The following CHMP4B variants were observed in gnomAD, a reference collection of about 807,000 sequenced individuals.
CHMP4B encodes charged multivesicular body protein 4B.
A neutral mutation model predicts 25.1 loss-of-function variants in CHMP4B; 1 was observed. The ratio of observed to expected loss-of-function variants is 0.04; its 90% confidence interval spans 0.01 to 0.19. The LOEUF (loss-of-function observed/expected upper bound fraction) is 0.19. Ranked by LOEUF, CHMP4B falls within the 10% of genes least tolerant of loss-of-function variation. The pLI, the probability that CHMP4B is intolerant of heterozygous loss-of-function variation, is 1.00. For synonymous variants in CHMP4B, 101 were observed against 115.6 expected (o/e 0.87, Z 0.81); for missense variants, 151 against 289.7 (o/e 0.52, Z 3.48).
At chr20:33,852,608 G>A (rs112288797) in intron 4 of CHMP4B, among the ~76,000 whole-genome samples, 366 of 152,302 alleles carry the variant, frequency 2.4e-3, no homozygotes, top group Middle Eastern at 6.8e-3. Context: ...ATGTCCCTTG[G>A]TAGGGGTTGG....
chr20:33,845,044 C>T (rs1601327615), intron 1 of CHMP4B, among the ~76,000 whole-genome samples: 1 of 152,156 alleles, frequency 6.6e-6, no homozygotes, highest in East Asian at 1.9e-4. Context: ...CAGGTGTGAG[C>T]CACCGCGCCC....
At chr20:33,829,359 A>C (rs1426493083) in intron 1 of CHMP4B, among the ~76,000 whole-genome samples, 1 of 152,214 alleles carries the variant, frequency 6.6e-6, no homozygotes, top group East Asian at 1.9e-4. Flanking sequence ...CCAGCCGAGA[A>C]TGCCCATCTG....
chr20:33,846,140 T>TG (rs1253046636), intron 1 of CHMP4B, among the ~76,000 whole-genome samples: 1 of 152,096 alleles, frequency 6.6e-6, no homozygotes, highest in Non-Finnish European at 1.5e-5. Context: ...TTTCATTAAG[T>TG]GGGGGGCATA....
intron 1 of CHMP4B, among the ~76,000 whole-genome samples, chr20:33,838,709 T>C (rs1194327804): frequency 1.3e-5 from 2 of 152,122 alleles, no homozygotes; most frequent in Non-Finnish European, 1.5e-5. Flanking sequence ...GCTGAATGAC[T>C]ATGGCCCTCA....
At chr20:33,826,513 C>T (rs1399023349) in intron 1 of CHMP4B, among the ~76,000 whole-genome samples, 1 of 152,140 alleles carries the variant, frequency 6.6e-6, no homozygotes, top group Non-Finnish European at 1.5e-5. Context: ...TACTTTCTGT[C>T]TCTAGAGAGC....
At chr20:33,835,860 G>A (rs1222234256) in intron 1 of CHMP4B, among the ~76,000 whole-genome samples, 1 of 152,188 alleles carries the variant, frequency 6.6e-6, no homozygotes, top group African/African-American at 2.4e-5. Flanking sequence ...AGAGAGAGAG[G>A]AGGAGGTGCC....
chr20:33,832,810 G>C (rs187764998), intron 1 of CHMP4B, among the ~76,000 whole-genome samples: 1 of 142,328 alleles, frequency 7.0e-6, no homozygotes, highest in Admixed American at 7.3e-5. Flanking sequence ...ACAGGGTCTC[G>C]TTCTGTTGCC....
At chr20:33,842,968 C>T (rs1254984493) in intron 1 of CHMP4B, among the ~76,000 whole-genome samples, 1 of 152,248 alleles carries the variant, frequency 6.6e-6, no homozygotes, top group Non-Finnish European at 1.5e-5. Context: ...CCGTCCTCAG[C>T]AGCTTTTCAG....
chr20:33,839,596 G>T lies in CHMP4B; in HGVS notation c.191-8871G>T, dbSNP rs185973490. ...CATACCATCTGGACTGTCGCTAGTG[G>T]ACAGTTTGTGGGCAGAACAGGCAGC... is the stretch of plus-strand genomic sequence containing the variant. On this transcript the variant is annotated intron_variant, in intron 1 of 4. Transcript: ENST00000217402. Among the ~76,000 whole-genome samples, 76 of 152,268 alleles carry T rather than the reference G, an allele frequency of 5.0e-4. 2 individuals are homozygous for T. Among genetic ancestry groups the T allele is most frequent in the Admixed American group, 4.6e-3 (71 of 15,304 alleles).
At chr20:33,836,263 T>C (rs1979389077) in intron 1 of CHMP4B, among the ~76,000 whole-genome samples, 1 of 152,188 alleles carries the variant, frequency 6.6e-6, no homozygotes, top group Admixed American at 6.5e-5. Flanking sequence ...ATGTAAATTT[T>C]GCCTTGTTGG....
At chr20:33,820,968 A>G (rs968489455) in intron 1 of CHMP4B, among the ~76,000 whole-genome samples, 2 of 152,240 alleles carry the variant, frequency 1.3e-5, no homozygotes, top group African/African-American at 4.8e-5. Context: ...TATTCTGATA[A>G]TTAATTTGCT....
chr20:33,817,518 A>G (rs1024840738), intron 1 of CHMP4B, among the ~76,000 whole-genome samples: 1 of 152,160 alleles, frequency 6.6e-6, no homozygotes, highest in African/African-American at 2.4e-5. Flanking sequence ...GTTGGGTTTG[A>G]GTGTGGAGCG....
chr20:33,850,889 C>G (rs1979827592), intron 2 of CHMP4B, 63 bp from the exon 3 acceptor site: 1 of 1,215,944 alleles, frequency 8.2e-7, no homozygotes, highest in African/African-American at 1.5e-5. Flanking sequence ...TCCCGCCTTG[C>G]CTTGCAGGCC....
intron 4 of CHMP4B, among the ~76,000 whole-genome samples, chr20:33,852,861 C>A (rs1979895219): frequency 6.6e-6 from 1 of 152,192 alleles, no homozygotes; most frequent in African/African-American, 2.4e-5. Context: ...TTCATTTCCT[C>A]CCTTCATTTC....
intron 3 of CHMP4B, 61 bp from the exon 4 acceptor site, chr20:33,852,016 G>T: frequency 1.2e-6 from 2 of 1,610,186 alleles, no homozygotes. Flanking sequence ...TAGGTAGGAG[G>T]CATGACCGCG....
intron 1 of CHMP4B, among the ~76,000 whole-genome samples, chr20:33,823,935 CAA>C (rs1194882116): frequency 6.6e-6 from 1 of 152,158 alleles, no homozygotes; most frequent in Non-Finnish European, 1.5e-5. Flanking sequence ...CTCAGCCTCC[CAA>C]AGAGTTGGGA....
At chr20:33,849,875 A>T (rs1192031941) in intron 2 of CHMP4B, among the ~76,000 whole-genome samples, 1 of 152,202 alleles carries the variant, frequency 6.6e-6, no homozygotes, top group African/African-American at 2.4e-5. Flanking sequence ...TCCTGGGCTC[A>T]AGCCATCCTC....
chr20:33,852,048 G>A (rs755689432), intron 3 of CHMP4B, 29 bp from the exon 4 acceptor site: 2 of 1,612,966 alleles, frequency 1.2e-6, no homozygotes, highest in Non-Finnish European at 1.7e-6. Flanking sequence ...TCCCAGGGAG[G>A]GCGCTCACTT....
intron 1 of CHMP4B, among the ~76,000 whole-genome samples, chr20:33,813,741 G>A (rs1334755974): frequency 6.6e-6 from 1 of 152,054 alleles, no homozygotes; most frequent in African/African-American, 2.4e-5. Flanking sequence ...TTGTTTGTTT[G>A]TTTGTTTTTG....
Sources: gnomAD v4.1 joint callset for allele counts (sites outside exome capture counted in the v4.1 genomes callset) on GRCh38, gnomAD v4.1.1 for gene constraint, MANE v1.5 for transcripts, NCBI Gene and HGNC (gene_info 2026-07-23, HGNC 2026-07-21) for gene names.